Variants in FAM13C observed in about 807,000 individuals in gnomAD.
FAM13C encodes the protein protein FAM13C.
FAM13C carries 37 observed loss-of-function variants against 73.2 expected under a neutral mutation model. The ratio of observed to expected loss-of-function variants is 0.51; its 90% CI spans 0.39 to 0.67. The LOEUF (loss-of-function observed/expected upper bound fraction) is 0.67, where lower values mean the gene tolerates loss of function less well. Ranked by LOEUF, FAM13C falls within the 30% of genes least tolerant of loss-of-function variation. The pLI, the probability that FAM13C is intolerant of heterozygous loss-of-function variation, is 0.00. For synonymous variants in FAM13C, 246 were observed against 260.9 expected, an observed-to-expected ratio of 0.94 and a Z score of 0.55; for missense variants, 589 against 715.6, an observed-to-expected ratio of 0.82 and a Z score of 2.02.
chr10:59,246,353 A>AGTT lies in FAM13C; in HGVS notation c.*1258_*1260dup, dbSNP rs1417010493. 1.2e-5 allele frequency: 3 copies of AGTT among 242,912 alleles called. No homozygotes were observed. Among genetic ancestry groups the AGTT allele is most frequent in the African/African-American group, 2.2e-5 (1 of 45,054 alleles). 15.0% of individuals were successfully genotyped at this position (242,912 alleles called of 1,614,324 possible). On this transcript the variant is annotated 3_prime_UTR_variant, in exon 14 of 14. Transcript: ENST00000618804. ...GAAGGACATTATTCTGATTCATAAA[A>AGTT]GTTATAAAATATTAGGTAAATACAG...
chr10:59,253,311 G>A (rs920156038), intron 11 of FAM13C, among the ~76,000 whole-genome samples: 1 of 152,210 alleles, frequency 6.6e-6, no homozygotes, highest in Admixed American at 6.5e-5. Context: ...CTACCAAGTG[G>A]TTCCTCCCTT....
intron 10 of FAM13C, among the ~76,000 whole-genome samples, chr10:59,256,386 A>G (rs1313986659): frequency 6.6e-6 from 1 of 152,104 alleles, no homozygotes; most frequent in East Asian, 1.9e-4. Context: ...GAAAAGCTAA[A>G]TTTAATTCTA....
chr10:59,266,754 G>C (rs1843114914), intron 8 of FAM13C, among the ~76,000 whole-genome samples: 1 of 152,176 alleles, frequency 6.6e-6, no homozygotes, highest in Admixed American at 6.5e-5. Flanking sequence ...GATGTTTCCA[G>C]GAGGAATTCT....
chr10:59,318,982 C>T (rs1475119018), intron 4 of FAM13C, among the ~76,000 whole-genome samples: 1 of 151,968 alleles, frequency 6.6e-6, no homozygotes, highest in Non-Finnish European at 1.5e-5. Context: ...TGCTCATTCT[C>T]TTATTCATTC....
rs1186845133 is a variant in FAM13C, at chr10:59,287,088, G to A, written c.508-3641C>T. Among the ~76,000 whole-genome samples the A allele has an allele frequency of 2.1e-5, 3 of 144,832 alleles. No individual in the cohort carries two copies. The South Asian group carries it at 6.6e-4, about 32-fold the overall frequency. ...GTGGTGGCTCACGCCTGTAATCCCAGCACTTTGGGAGGCAGAGGTGGGAGG... is the reference window on the plus strand; with the variant it reads ...GTGGTGGCTCACGCCTGTAATCCCAACACTTTGGGAGGCAGAGGTGGGAGG... On this transcript the variant is annotated intron_variant, in intron 5 of 13. Transcript: ENST00000618804.
chr10:59,260,901 GT>G (rs1418273304), intron 10 of FAM13C, among the ~76,000 whole-genome samples: 3 of 152,170 alleles, frequency 2.0e-5, no homozygotes, highest in African/African-American at 7.2e-5. Flanking sequence ...AGATGAGGAA[GT>G]TGAATCTCAG....
chr10:59,253,835 C>T (rs1349961766), intron 11 of FAM13C: 1 of 152,482 alleles, frequency 6.6e-6, no homozygotes, highest in African/African-American at 2.4e-5. Flanking sequence ...TCCCATAAAT[C>T]ATTCTTTATT....
chr10:59,265,775 T>C (rs578008838), intron 8 of FAM13C, among the ~76,000 whole-genome samples: 1 of 152,310 alleles, frequency 6.6e-6, no homozygotes, highest in Admixed American at 6.5e-5. Context: ...ATGAATTTAT[T>C]TCCCTACCCT....
At chr10:59,273,714 A>G (rs1351127910) in intron 6 of FAM13C, among the ~76,000 whole-genome samples, 1 of 152,140 alleles carries the variant, frequency 6.6e-6, no homozygotes, top group East Asian at 1.9e-4. Flanking sequence ...CTTGGAAGCC[A>G]GAGTGTTTCT....
At chr10:59,281,981 G>C (rs537100864) in intron 6 of FAM13C, among the ~76,000 whole-genome samples, 86 of 152,304 alleles carry the variant, frequency 5.6e-4, no homozygotes, top group African/African-American at 2.0e-3. Flanking sequence ...GGGAAGAAAA[G>C]GGATGTTGTC....
At chr10:59,323,930 A>AGCTG (rs1554832959) in intron 4 of FAM13C, 58 bp downstream of exon 4, 15 of 1,427,452 alleles carry the variant, frequency 1.1e-5, no homozygotes, top group Non-Finnish European at 1.5e-5. Context: ...GCAAGCACAC[A>AGCTG]GCATTTCTGA....
intron 5 of FAM13C, among the ~76,000 whole-genome samples, chr10:59,289,600 T>A (rs1047123944): frequency 8.5e-5 from 13 of 152,202 alleles, no homozygotes; most frequent in Non-Finnish European, 1.8e-4. Flanking sequence ...TCCAGTCTAG[T>A]GGGAGATCAC....
chr10:59,306,679 C>T (rs1848298569), intron 4 of FAM13C, among the ~76,000 whole-genome samples: 1 of 152,162 alleles, frequency 6.6e-6, no homozygotes, highest in African/African-American at 2.4e-5. Flanking sequence ...AGTTCGAGAC[C>T]AGCCTGGGCA....
intron 6 of FAM13C, among the ~76,000 whole-genome samples, chr10:59,276,931 C>T (rs1289630330): frequency 6.6e-6 from 1 of 152,096 alleles, no homozygotes; most frequent in African/African-American, 2.4e-5. Flanking sequence ...CATGTCAGTA[C>T]CAATACTTGC....
intron 5 of FAM13C, among the ~76,000 whole-genome samples, chr10:59,299,902 C>T (rs112598458): frequency 3.9e-5 from 6 of 151,932 alleles, no homozygotes; most frequent in African/African-American, 1.4e-4. Context: ...GTCCCAGAGA[C>T]AACAAAAAAT....
rs556181818 is a variant in FAM13C, at chr10:59,340,049, C to T, written c.324+12221G>A. On this transcript the variant is annotated intron_variant, in intron 3 of 13. Coordinates refer to ENST00000618804, the MANE Select transcript of FAM13C (RefSeq NM_198215.4). ...AGAGAAAGCCAAAATAAACCAACTT[C>T]GAAAGTATCTTAGTCAACAACAAAA... Among the ~76,000 whole-genome samples the T allele has an allele frequency of 2.0e-5, 3 of 152,194 alleles. No individual in the cohort carries two copies. The East Asian group carries it at 5.8e-4, about 29-fold the overall frequency.
At chr10:59,356,179 G>T (rs1287143455) in intron 1 of FAM13C, among the ~76,000 whole-genome samples, 1 of 152,114 alleles carries the variant, frequency 6.6e-6, no homozygotes, top group Non-Finnish European at 1.5e-5. Flanking sequence ...TGCCTCCACT[G>T]TCCTGTGTCA....
At chr10:59,360,261 T>A (rs367993883) in intron 1 of FAM13C, among the ~76,000 whole-genome samples, 63 of 152,216 alleles carry the variant, frequency 4.1e-4, no homozygotes, top group African/African-American at 1.4e-3. Context: ...ACAAACTTTT[T>A]AATTTCCAAT....
intron 3 of FAM13C, among the ~76,000 whole-genome samples, chr10:59,332,096 A>T (rs1383585707): frequency 1.3e-5 from 2 of 152,136 alleles, no homozygotes; most frequent in Non-Finnish European, 1.5e-5. Context: ...GGAAGAGAAA[A>T]CTTGGGAGAA....
Sources: allele counts gnomAD v4.1 joint callset (sites outside exome capture counted in the v4.1 genomes callset), GRCh38; gene constraint gnomAD v4.1.1; transcripts MANE v1.5; gene names NCBI Gene and HGNC (gene_info 2026-07-23, HGNC 2026-07-21).